The following RAB5IF variants were observed in gnomAD, a reference collection of about 807,000 sequenced individuals.
RAB5IF encodes the protein GEL complex subunit OPTI.
A neutral mutation model predicts 20.3 loss-of-function variants in RAB5IF; 15 were observed. The observed-to-expected ratio is 0.74, with a 90% CI of 0.50 to 1.14. The LOEUF (loss-of-function observed/expected upper bound fraction) is 1.14, where lower values mean the gene tolerates loss of function less well. Among genes scored for constraint, RAB5IF ranks in the 50% most tolerant of loss-of-function variants. The pLI, the probability that RAB5IF is intolerant of heterozygous loss-of-function variation, is 0.00. For synonymous variants in RAB5IF, 67 were observed against 63.7 expected (o/e 1.05, Z -0.25); for missense variants, 148 against 159.5 (o/e 0.93, Z 0.39).
chr20:36,606,173 G>A, intron 1 of RAB5IF, 108 bp downstream of exon 1: 1 of 651,002 alleles, frequency 1.5e-6, no homozygotes, highest in East Asian at 3.5e-5. Flanking sequence ...CAATCGAGTA[G>A]GGCAGTGGGG....
chr20:36,606,303 C>T (rs748820673), intron 1 of RAB5IF, among the ~76,000 whole-genome samples: 4 of 152,158 alleles, frequency 2.6e-5, no homozygotes, highest in Admixed American at 2.0e-4. Context: ...TGGCGAGGAG[C>T]GGGGAGAGGC....
intron 3 of RAB5IF, among the ~76,000 whole-genome samples, chr20:36,610,864 G>A (rs1371684374): frequency 5.9e-5 from 9 of 152,198 alleles, no homozygotes; most frequent in African/African-American, 2.2e-4. Context: ...AAGTAGATTA[G>A]TGGTTGCCAG....
At chr20:36,609,908 T>G in intron 3 of RAB5IF, 178 bp downstream of exon 3, 2 of 995,194 alleles carry the variant, frequency 2.0e-6, no homozygotes, top group South Asian at 1.5e-5. Context: ...TGGTCTGATA[T>G]ACTGTACAGT....
chr20:36,609,830 G>T, intron 3 of RAB5IF, 100 bp downstream of exon 3: 5 of 1,609,038 alleles, frequency 3.1e-6, no homozygotes, highest in Non-Finnish European at 4.2e-6. Flanking sequence ...TGTGAGCAGG[G>T]TGCTATTTTT....
In RAB5IF at chr20:36,609,604, C is replaced by G; in HGVS notation, c.222C>G (p.Phe74Leu). 6.3e-7 allele frequency: 1 copy of G among 1,589,740 alleles called. No individual in the cohort carries two copies. Among genetic ancestry groups the G allele is most frequent in the Non-Finnish European group, 8.6e-7 (1 of 1,168,402 alleles). ...TACTTGTTCTCTGTTGCTCCAGATT[C>G]TGCCTGATCAATGCAGGAGTCCTGT... ...PLRGFLGIAG[F>L]CLINAGVLYL... Residue 74 changes from phenylalanine (F) to leucine (L), a missense_variant, in exon 3 of 4, where the codon TTC becomes TTG. Phe to Leu is a conservative substitution (Grantham distance 22). Coordinates refer to ENST00000344795, the MANE Select transcript of RAB5IF (RefSeq NM_018840.5).
chr20:36,612,300 A>G lies in RAB5IF; in HGVS notation c.*249A>G, dbSNP rs527378761. ...CACCAACCATTTCTTCTTGGATACC[A>G]TCAAGTAACAGCTATTATTTGCCAA... On this transcript the variant is annotated 3_prime_UTR_variant, in exon 4 of 4. Coordinates refer to ENST00000344795, the MANE Select transcript of RAB5IF (RefSeq NM_018840.5). 9.7e-5 allele frequency: 130 copies of G among 1,341,078 alleles called. 1 individual carries two copies. In the Middle Eastern group the frequency reaches 1.9e-3, roughly 20 times the overall value. The allele number at this position is 1,341,078 out of a possible 1,614,324, so 83.1% of individuals were successfully genotyped here. A position where few individuals can be genotyped will look rare whatever the true frequency, so the allele number is the denominator to read the frequency against.
intron 2 of RAB5IF, 83 bp from the exon 3 acceptor site, chr20:36,609,518 G>T: frequency 1.3e-6 from 2 of 1,506,864 alleles, no homozygotes; most frequent in Admixed American, 2.2e-5. Flanking sequence ...GGGATTACAG[G>T]TGTGAGCCAC....
chr20:36,608,438 T>C (rs564842320), intron 2 of RAB5IF, among the ~76,000 whole-genome samples: 4 of 151,868 alleles, frequency 2.6e-5, no homozygotes, highest in Non-Finnish European at 2.9e-5. Flanking sequence ...AGAGACAAGG[T>C]TTCTCTACAT....
At chr20:36,609,229 A>T (rs1461374043) in intron 2 of RAB5IF, among the ~76,000 whole-genome samples, 1 of 123,734 alleles carries the variant, frequency 8.1e-6, no homozygotes, top group Non-Finnish European at 1.6e-5. Flanking sequence ...GCACACACAC[A>T]CACACACACA....
intron 3 of RAB5IF, chr20:36,609,934 A>G: frequency 1.3e-6 from 1 of 770,336 alleles, no homozygotes; most frequent in Non-Finnish European, 2.0e-6. Flanking sequence ...GTAATGTGTA[A>G]ATCCAGGGCC....
rs1484842991 is a variant in RAB5IF, at chr20:36,612,543, A to ATCTT, written c.*494_*497dup. 2.5e-5 allele frequency: 9 copies of ATCTT among 363,008 alleles called. No homozygotes were observed. The highest frequency in any genetic ancestry group is 1.9e-4 in the African/African-American group (9 of 48,164). The allele number at this position is 363,008 out of a possible 1,614,324, so 22.5% of individuals were successfully genotyped here. A position where few individuals can be genotyped will look rare whatever the true frequency, so the allele number is the denominator to read the frequency against. On this transcript the variant is annotated 3_prime_UTR_variant, in exon 4 of 4. Coordinates refer to ENST00000344795, the MANE Select transcript of RAB5IF (RefSeq NM_018840.5). ...GTTTTCACATACTTGAATAAATCAA[A>ATCTT]TCTTTAATTGAGAACCTGTTGATGA... is the stretch of plus-strand genomic sequence containing the variant.
At chr20:36,608,550 C>G (rs2038987508) in intron 2 of RAB5IF, among the ~76,000 whole-genome samples, 1 of 144,852 alleles carries the variant, frequency 6.9e-6, no homozygotes, top group Non-Finnish European at 1.5e-5. Context: ...TGGCATCGGT[C>G]TCATTCTTTT....
Position 36,606,239 on chromosome 20 carries a change from C to T in RAB5IF, c.114+174C>T, listed in dbSNP as rs577480072. Among the ~76,000 whole-genome samples, 33 of 152,302 alleles carry T rather than the reference C, an allele frequency of 2.2e-4. No individual in the cohort carries two copies. In the South Asian group the frequency reaches 6.8e-3, roughly 32 times the overall value. ...GGCGGGCACTGGGCGGACAGCTGGG[C>T]TTGGAGCTCCCCGAAGGGTGGCCTA... On this transcript the variant is annotated intron_variant, in intron 1 of 3. Transcript: ENST00000344795.
At chr20:36,609,029 A>T (rs1188013360) in intron 2 of RAB5IF, among the ~76,000 whole-genome samples, 1 of 151,870 alleles carries the variant, frequency 6.6e-6, no homozygotes, top group Non-Finnish European at 1.5e-5. Context: ...GCTACGAAGC[A>T]GCAGCTTCAC....
intron 3 of RAB5IF, chr20:36,609,937 C>G: frequency 1.3e-6 from 1 of 760,234 alleles, no homozygotes; most frequent in Non-Finnish European, 2.0e-6. Flanking sequence ...ATGTGTAAAT[C>G]CAGGGCCCAT....
At chr20:36,609,187 A>ACG (rs1439050818) in intron 2 of RAB5IF, among the ~76,000 whole-genome samples, 17 of 52,728 alleles carry the variant, frequency 3.2e-4, no homozygotes, top group Non-Finnish European at 5.9e-4. Context: ...ACACACACAC[A>ACG]CACACACGCA....
intron 1 of RAB5IF, 93 bp downstream of exon 1, chr20:36,606,158 C>T (rs555209167): frequency 1.4e-5 from 11 of 790,488 alleles, no homozygotes; most frequent in South Asian, 1.0e-4. Flanking sequence ...GTCCTCGTTC[C>T]GGCACAATCG....
intron 2 of RAB5IF, chr20:36,608,057 G>A (rs1305529039): frequency 9.5e-7 from 1 of 1,053,716 alleles, no homozygotes; most frequent in African/African-American, 1.6e-5. Context: ...TTCATTCATG[G>A]GTCTAAAGTG....
intron 2 of RAB5IF, among the ~76,000 whole-genome samples, chr20:36,609,156 T>TACATACAGACATATACACAC: frequency 5.9e-5 from 1 of 17,052 alleles, no homozygotes; most frequent in Non-Finnish European, 1.1e-4. Flanking sequence ...AGAACTATAT[T>TACATACAGACATATACACAC]ACACACACAC....
Sources: gnomAD v4.1 joint callset for allele counts (sites outside exome capture counted in the v4.1 genomes callset) on GRCh38, gnomAD v4.1.1 for gene constraint, MANE v1.5 for transcripts, NCBI Gene and HGNC (gene_info 2026-07-23, HGNC 2026-07-21) for gene names.